Variants in SCUBE2 observed in about 807,000 individuals in gnomAD.
SCUBE2 encodes the protein signal peptide, CUB domain and EGF like domain containing 2.
Under a neutral mutation model 125.9 loss-of-function variants are expected in SCUBE2, and 114 were observed. The ratio of observed to expected loss-of-function variants is 0.91; its 90% confidence interval spans 0.78 to 1.06. The LOEUF (loss-of-function observed/expected upper bound fraction) is 1.06, where lower values mean the gene tolerates loss of function less well. SCUBE2 is among the 50% of genes least tolerant of loss of function. The probability of loss-of-function intolerance (pLI) is 0.00; values close to 1 mark genes in which losing one functional copy is unlikely to be tolerated. For synonymous variants in SCUBE2, 459 were observed against 492.9 expected (o/e 0.93, Z 0.91); for missense variants, 1,255 against 1,301.8 (o/e 0.96, Z 0.55).
At position 9,091,478 on chromosome 11, in the gene SCUBE2, CA is replaced by C; in HGVS notation, c.50del (p.Leu17ArgfsTer30). On this transcript the variant is annotated frameshift_variant, in exon 1 of 23. Transcript: ENST00000649792. LOFTEE classifies it high-confidence loss of function. The surrounding 1 kb of genome is among the most constrained non-coding windows in gnomAD (Gnocchi z 8.5). ...NRPGAAWAVLLLLLLLPPLLL... is the reference protein window; with the variant it reads ...NRPGAAWAVLXLLLLLPPLLL... ...GCAGTGGCGGCAGCAGCAGCAGCAG[CA>C]GCAGCACCGCCCAGGCCGCCCCGGG... The C allele has an allele frequency of 7.9e-7, 1 of 1,270,330 alleles. No homozygotes were observed. The highest frequency in any genetic ancestry group is 1.0e-6 in the Non-Finnish European group (1 of 985,626). The allele number at this position is 1,270,330 out of a possible 1,614,324, so 78.7% of individuals were successfully genotyped here.
chr11:9,084,815 C>T (rs1244915958), intron 2 of SCUBE2, among the ~76,000 whole-genome samples: 4 of 152,208 alleles, frequency 2.6e-5, no homozygotes. Flanking sequence ...GCCATCATAG[C>T]TCACTGCAAA....
intron 17 of SCUBE2, among the ~76,000 whole-genome samples, chr11:9,033,214 G>A (rs377644360): frequency 6.6e-6 from 1 of 152,086 alleles, no homozygotes; most frequent in Non-Finnish European, 1.5e-5. Flanking sequence ...CAAAATAAAC[G>A]GATATATTTG....
intron 2 of SCUBE2, 131 bp downstream of exon 2, chr11:9,089,576 G>T: frequency 2.1e-6 from 2 of 970,708 alleles, no homozygotes; most frequent in Non-Finnish European, 3.1e-6. Context: ...CAGAGAGCAG[G>T]TGATGTGATT....
At chr11:9,049,165 T>C (rs914377443) in intron 14 of SCUBE2, among the ~76,000 whole-genome samples, 1 of 152,252 alleles carries the variant, frequency 6.6e-6, no homozygotes, top group African/African-American at 2.4e-5. Flanking sequence ...GTTAACATCA[T>C]ACATTTATCA....
intron 16 of SCUBE2, among the ~76,000 whole-genome samples, chr11:9,042,010 C>A (rs1857298721): frequency 6.6e-6 from 1 of 152,060 alleles, no homozygotes; most frequent in Admixed American, 6.5e-5. Flanking sequence ...TAACAGGAGG[C>A]AGGTCTGAGC....
chr11:9,068,031 G>A (rs1011149958), intron 5 of SCUBE2, among the ~76,000 whole-genome samples: 4 of 152,156 alleles, frequency 2.6e-5, no homozygotes, highest in Non-Finnish European at 5.9e-5. Flanking sequence ...CTGACTTCGA[G>A]GGGCCCTAAG....
intron 14 of SCUBE2, among the ~76,000 whole-genome samples, chr11:9,048,899 G>A (rs1367587307): frequency 1.3e-5 from 2 of 152,138 alleles, no homozygotes; most frequent in Non-Finnish European, 2.9e-5. Flanking sequence ...GGACATTCAA[G>A]CCATAGGTCA....
At chr11:9,022,967 A>G (rs1398326549) in intron 21 of SCUBE2, among the ~76,000 whole-genome samples, 1 of 152,106 alleles carries the variant, frequency 6.6e-6, no homozygotes, top group East Asian at 1.9e-4. Flanking sequence ...TGGAGGGTGG[A>G]GAATTTGGCT....
chr11:9,024,820 T>C (rs909121814), intron 21 of SCUBE2, among the ~76,000 whole-genome samples: 5 of 152,242 alleles, frequency 3.3e-5, no homozygotes, highest in African/African-American at 1.2e-4. Context: ...TAAAATTAAC[T>C]GCTGCTGCTG....
chr11:9,056,601 G>A (rs753913375), intron 9 of SCUBE2, among the ~76,000 whole-genome samples: 14 of 152,114 alleles, frequency 9.2e-5, no homozygotes, highest in Non-Finnish European at 1.9e-4. Flanking sequence ...TAGCCTCCTG[G>A]TTCAGTGTGG....
In SCUBE2 at chr11:9,060,520, C is replaced by G. The variant is rs553227629; in HGVS notation, c.855G>C (p.Thr285=). ...KRVKRRLLME[T]CAVNNGGCDR... ...CACAGCCTCCATTGTTGACAGCACA[C>G]GTTTCTGGCAAGGAGGTAAGAAAAG... The change falls in exon 8 of 23, where the codon ACG becomes ACC. Residue 285 remains threonine, a synonymous_variant. Coordinates refer to ENST00000649792, the MANE Select transcript of SCUBE2 (RefSeq NM_001367977.2). 44 of 1,612,926 alleles carry G rather than the reference C, an allele frequency of 2.7e-5. No homozygotes were observed. The South Asian group carries it at 4.7e-4, about 17-fold the overall frequency.
intron 6 of SCUBE2, 65 bp downstream of exon 6, chr11:9,066,632 A>G (rs1243130262): frequency 7.8e-7 from 1 of 1,280,762 alleles, no homozygotes; most frequent in African/African-American, 1.5e-5. Flanking sequence ...AACACCATTA[A>G]GGGGTAGGGG....
In SCUBE2 at chr11:9,025,820, G is replaced by A. The variant is rs935363204; in HGVS notation, c.2736C>T (p.Cys912=). 1.2e-6 allele frequency: 2 copies of A among 1,614,138 alleles called. No individual in the cohort carries two copies. The highest frequency in any genetic ancestry group is 1.3e-5 in the African/African-American group (1 of 75,036). Reference sequence around the variant, plus strand: ...AGGCGATGGGGCGTTCGTAGGTCTGGCAGGTTTCATATGTTGTCACAGAAT... The same window carrying A: ...AGGCGATGGGGCGTTCGTAGGTCTGACAGGTTTCATATGTTGTCACAGAAT... ...SSNSVTTYET[C]QTYERPIAFT... Residue 912 remains cysteine (C), a synonymous_variant, in exon 21 of 23, where the codon TGC becomes TGT. Coordinates refer to ENST00000649792, the MANE Select transcript of SCUBE2 (RefSeq NM_001367977.2).
In SCUBE2 at chr11:9,020,902, G is replaced by A. The variant is rs2134968623; in HGVS notation, c.*143C>T. ...CCAAGTTCAATTTACCAAAATATCTGTATTATCTATAAAAATTGAACTCTA... is the reference window on the plus strand; with the variant it reads ...CCAAGTTCAATTTACCAAAATATCTATATTATCTATAAAAATTGAACTCTA... On this transcript the variant is annotated 3_prime_UTR_variant, in exon 23 of 23. Transcript: ENST00000649792. 1.5e-6 allele frequency: 1 copy of A among 663,540 alleles called. No individual in the cohort carries two copies. Among genetic ancestry groups the A allele is most frequent in the Admixed American group, 3.5e-5 (1 of 28,590 alleles). The allele number at this position is 663,540 out of a possible 1,614,324, so 41.1% of individuals were successfully genotyped here. A position where few individuals can be genotyped will look rare whatever the true frequency, so the allele number is the denominator to read the frequency against.
Position 9,042,385 on chromosome 11 carries a change from C to A in SCUBE2, c.2002+4971G>T, listed in dbSNP as rs144916451. ...CAGTAACCTTCCAAGATTCCCCTGGCTTTCTGTCCCTCCCTGCCTCCACTC... is the reference window on the plus strand; with the variant it reads ...CAGTAACCTTCCAAGATTCCCCTGGATTTCTGTCCCTCCCTGCCTCCACTC... On this transcript the variant is annotated intron_variant, in intron 16 of 22. Transcript: ENST00000649792. Among the ~76,000 whole-genome samples the A allele has an allele frequency of 1.8e-4, 28 of 152,196 alleles. No individual in the cohort carries two copies. In the East Asian group the frequency reaches 5.0e-3, roughly 27 times the overall value.
rs954390273 is a variant in SCUBE2 at position 9,047,833 on chromosome 11, T to C, written c.1795+110A>G. The C allele has an allele frequency of 4.0e-5, 51 of 1,289,650 alleles. No individual in the cohort carries two copies. The Middle Eastern group carries it at 5.7e-4, about 15-fold the overall frequency. 79.9% of individuals were successfully genotyped at this position (1,289,650 alleles called of 1,614,324 possible). A position where few individuals can be genotyped will look rare whatever the true frequency, so the allele number is the denominator to read the frequency against. ...TTTCGGGGTGAAAAAAAACAGGAGA[T>C]ACTTCAGTGTTTGCATTACTTTTCC... On this transcript the variant is annotated intron_variant, in intron 15 of 22. Transcript: ENST00000649792.
chr11:9,046,001 C>CTTTTT (rs58572754), intron 16 of SCUBE2, among the ~76,000 whole-genome samples: 62 of 92,042 alleles, frequency 6.7e-4, no homozygotes, highest in South Asian at 1.5e-3. Flanking sequence ...GTCTTTCTTT[C>CTTTTT]TTTTTTTTTT....
chr11:9,045,781 G>A (rs575195164), intron 16 of SCUBE2, among the ~76,000 whole-genome samples: 4 of 152,082 alleles, frequency 2.6e-5, no homozygotes, highest in African/African-American at 4.8e-5. Context: ...TGCTTGAGCC[G>A]TTTTCTCTGC....
Position 9,030,336 on chromosome 11 carries a change from T to A in SCUBE2, c.2342-291A>T, listed in dbSNP as rs1253362385. The stretch of plus-strand genomic sequence containing the variant: ...AACTCCAGTCTTCATGCAGAGCACG[T>A]CTGTGAGTATAGGGGGCAGGCAGTT... On this transcript the variant is annotated intron_variant, in intron 18 of 22. Transcript: ENST00000649792. 7 of 474,384 alleles carry A rather than the reference T, an allele frequency of 1.5e-5. No individual in the cohort carries two copies. In the East Asian group the frequency reaches 2.7e-4, roughly 19 times the overall value. 29.4% of individuals were successfully genotyped at this position (474,384 alleles called of 1,614,324 possible).
Sources: allele counts gnomAD v4.1 joint callset (sites outside exome capture counted in the v4.1 genomes callset), GRCh38; gene constraint gnomAD v4.1.1; non-coding constraint Gnocchi (gnomAD v3.1); transcripts MANE v1.5; gene names NCBI Gene and HGNC (gene_info 2026-07-23, HGNC 2026-07-21).